Variants in MYL2 observed in about 807,000 individuals in gnomAD.
The protein encoded by MYL2 is myosin light chain 2, also known as myosin regulatory light chain 2, ventricular/cardiac muscle isoform.
Under a neutral mutation model 23.0 loss-of-function variants are expected in MYL2, and 19 were observed. That is an observed-to-expected ratio of 0.83 (90% confidence interval 0.58 to 1.21). The LOEUF is 1.21. Ranked by LOEUF, MYL2 falls within the 50% of genes most tolerant of loss-of-function variation. The pLI, the probability that MYL2 is intolerant of heterozygous loss-of-function variation, is 0.00. For missense variants in MYL2, 180 were observed against 215.1 expected (o/e 0.84, Z 1.02); for synonymous variants, 78 against 76.2 (o/e 1.02, Z -0.13).
intron 1 of MYL2, 113 bp from the exon 2 acceptor site, chr12:110,919,306 T>C (rs1308331785): frequency 1.2e-6 from 1 of 828,582 alleles, no homozygotes. Context: ...TGCCCATCTG[T>C]GAAATGTGGG....
chr12:110,914,324 G>A (rs1357004896), intron 3 of MYL2, 34 bp from the exon 4 acceptor site: 25 of 1,497,690 alleles, frequency 1.7e-5, no homozygotes, highest in Non-Finnish European at 2.1e-5. Flanking sequence ...GGGACTCCGA[G>A]CTGGGGAGAA....
At position 110,910,978 on chromosome 12, in the gene MYL2, A is replaced by T; in HGVS notation, c.*99T>A. 2 of 1,136,834 alleles carry T rather than the reference A, an allele frequency of 1.8e-6. No homozygotes were observed. The highest frequency in any genetic ancestry group is 2.7e-6 in the Non-Finnish European group (2 of 749,974). The allele number at this position is 1,136,834 out of a possible 1,614,324, so 70.4% of individuals were successfully genotyped here. On this transcript the variant is annotated 3_prime_UTR_variant, in exon 7 of 7. Coordinates refer to ENST00000228841, the MANE Select transcript of MYL2 (RefSeq NM_000432.4). ...GGATAAATGGGGCAGCCACATGGCTAACAGACAAGGTAGGGACAGAGGCGG... is the reference window on the plus strand; with the variant it reads ...GGATAAATGGGGCAGCCACATGGCTTACAGACAAGGTAGGGACAGAGGCGG...
At position 110,918,938 on chromosome 12, in the gene MYL2, A is replaced by T. The variant is rs1163277352; in HGVS notation, c.93+166T>A. 1.6e-6 allele frequency: 1 copy of T among 641,442 alleles called. No individual in the cohort carries two copies. Among genetic ancestry groups the T allele is most frequent in the African/African-American group, 1.8e-5 (1 of 54,490 alleles). The allele number at this position is 641,442 out of a possible 1,614,324, so 39.7% of individuals were successfully genotyped here. ...TTGATAATCAGTGAAAATATTAAAA[A>T]TAGTTTCTTTTAAAAATTCACACAT... is the stretch of plus-strand genomic sequence containing the variant. On this transcript the variant is annotated intron_variant, in intron 2 of 6. Coordinates refer to ENST00000228841, the MANE Select transcript of MYL2 (RefSeq NM_000432.4). This position sits in a 1 kb window ranked among gnomAD's most constrained non-coding sequence, Gnocchi z 4.4.
At chr12:110,914,387 A>C in intron 3 of MYL2, 97 bp from the exon 4 acceptor site, 1 of 832,962 alleles carries the variant, frequency 1.2e-6, no homozygotes, top group Non-Finnish European at 2.1e-6. Context: ...CAAGAAATCT[A>C]GTCTAGAAAT....
Position 110,911,144 on chromosome 12 carries a change from T to C in MYL2, c.434A>G (p.Asp145Gly), listed in dbSNP as rs1255677666. 6.2e-7 allele frequency: 1 copy of C among 1,612,236 alleles called. No individual in the cohort carries two copies. Among genetic ancestry groups the C allele is most frequent in the Admixed American group, 1.7e-5 (1 of 59,782 alleles). ...VDQMFAAFPPDVTGNLDYKNL... is the reference protein window; with the variant it reads ...VDQMFAAFPPGVTGNLDYKNL... ...CTTGTAGTCCAAGTTGCCAGTCACG[T>C]CAGGGGGGAAGGCGGCGAACATCTG... is the stretch of plus-strand genomic sequence containing the variant. Residue 145 changes from aspartate (D) to glycine (G), a missense_variant, in exon 7 of 7, where the codon GAC (aspartate) becomes GGC (glycine). Transcript: ENST00000228841.
intron 2 of MYL2, among the ~76,000 whole-genome samples, chr12:110,917,006 T>C (rs2136775408): frequency 6.6e-6 from 1 of 152,072 alleles, no homozygotes; most frequent in Admixed American, 6.6e-5. Context: ...GCATCACCAA[T>C]GCCCAGCTTA....
rs753574542 is a variant in MYL2, at chr12:110,915,719, G to C, written c.165C>G (p.Ala55=). The C allele has an allele frequency of 1.9e-6, 3 of 1,614,062 alleles. No individual in the cohort carries two copies. Among genetic ancestry groups the C allele is most frequent in the South Asian group, 2.2e-5 (2 of 91,080 alleles). The change falls in exon 3 of 7, where the codon GCC becomes GCG. Residue 55 remains alanine (A), a synonymous_variant. Coordinates refer to ENST00000228841, the MANE Select transcript of MYL2 (RefSeq NM_000432.4). ...DKNDLRDTFA[A]LGRVNVKNEE... is the part of the protein sequence containing the mutation. The stretch of plus-strand genomic sequence containing the variant: ...GGGCTAGAGAGGGTGACATACCAAG[G>C]GCAGCAAAGGTGTCTCTCAGATCGT...
rs977706769 is a variant in MYL2 at position 110,911,002 on chromosome 12, G to A, written c.*75C>T. 45 of 1,290,638 alleles carry A rather than the reference G, an allele frequency of 3.5e-5. No individual in the cohort carries two copies. Among genetic ancestry groups the A allele is most frequent in the South Asian group, 3.0e-4 (25 of 84,606 alleles). The allele number at this position is 1,290,638 out of a possible 1,614,324, so 79.9% of individuals were successfully genotyped here. On this transcript the variant is annotated 3_prime_UTR_variant, in exon 7 of 7. Coordinates refer to ENST00000228841, the MANE Select transcript of MYL2 (RefSeq NM_000432.4). ...TAACAGACAAGGTAGGGACAGAGGC[G>A]GTACTCGGGGGAGAGAGATGAGGGC...
chr12:110,913,227 C>T lies in MYL2; in HGVS notation c.353+19G>A. 1.9e-6 allele frequency: 3 copies of T among 1,540,454 alleles called. No individual in the cohort carries two copies. Among genetic ancestry groups the T allele is most frequent in the Non-Finnish European group, 2.6e-6 (3 of 1,143,794 alleles). ...GGGCAAGCAGGGAACCCCCTTCCTC[C>T]CCCACAGACCCCACTCACTAATCAG... is the stretch of plus-strand genomic sequence containing the variant. On this transcript the variant is annotated intron_variant, in intron 5 of 6. Coordinates refer to ENST00000228841, the MANE Select transcript of MYL2 (RefSeq NM_000432.4).
intron 1 of MYL2, among the ~76,000 whole-genome samples, chr12:110,920,031 A>G (rs1007374572): frequency 6.6e-6 from 1 of 152,180 alleles, no homozygotes; most frequent in African/African-American, 2.4e-5. Context: ...CTGACTCCAG[A>G]GTTCCTGCCT....
intron 2 of MYL2, 32 bp downstream of exon 2, chr12:110,919,072 A>C (rs762479350): frequency 1.2e-5 from 19 of 1,603,394 alleles, no homozygotes; most frequent in Admixed American, 6.7e-5. Flanking sequence ...TGGGATTTCC[A>C]TCCAGGCGGA....
At position 110,919,133 on chromosome 12, in the gene MYL2, C is replaced by T. The variant is rs104894368; in HGVS notation, c.64G>A (p.Glu22Lys). The change falls in exon 2 of 7, where the codon GAA becomes AAA. Residue 22 changes from glutamate (E) to lysine (K), a missense_variant. Glu to Lys is a moderately conservative substitution (Grantham distance 56, BLOSUM62 1). Transcript: ENST00000228841. ...TTAAATTCCTGGATTTGGGTCTGTT[C>T]GAACATGGAGAACACGTTGGAGTTG... is the stretch of plus-strand genomic sequence containing the variant. ...GANSNVFSMF[E>K]QTQIQEFKEA... 2.1e-5 allele frequency: 34 copies of T among 1,613,932 alleles called. No homozygotes were observed. The highest frequency in any genetic ancestry group is 5.0e-5 in the Admixed American group (3 of 60,002).
chr12:110,920,437 T>G (rs1486760180), intron 1 of MYL2, 90 bp downstream of exon 1: 1 of 1,596,188 alleles, frequency 6.3e-7, no homozygotes, highest in Non-Finnish European at 8.6e-7. Context: ...GAGGGCCGCC[T>G]TCCTCCCCCT....
chr12:110,914,092 C>T (rs1219769394), intron 4 of MYL2, 94 bp downstream of exon 4: 3 of 998,402 alleles, frequency 3.0e-6, no homozygotes, highest in Non-Finnish European at 4.8e-6. Context: ...TCCAATGGTG[C>T]TTTATCTCTT....
In MYL2 at chr12:110,911,128, C is replaced by T. The variant is rs1379018063; in HGVS notation, c.450G>A (p.Leu150=). ...TGATGTGCACCAGGTTCTTGTAGTCCAAGTTGCCAGTCACGTCAGGGGGGA... is the reference window on the plus strand; with the variant it reads ...TGATGTGCACCAGGTTCTTGTAGTCTAAGTTGCCAGTCACGTCAGGGGGGA... ...AAFPPDVTGN[L]DYKNLVHIIT... is the part of the protein sequence containing the mutation. Residue 150 remains leucine, a synonymous_variant, in exon 7 of 7, where the codon TTG becomes TTA. Transcript: ENST00000228841. 1.2e-6 allele frequency: 2 copies of T among 1,612,934 alleles called. No homozygotes were observed. The highest frequency in any genetic ancestry group is 3.3e-5 in the Admixed American group (2 of 59,904).
Position 110,913,473 on chromosome 12 carries a change from C to G in MYL2, c.275-149G>C, listed in dbSNP as rs2071668252. ...AAAAGACCCTGCTTTCGTCTGATCA[C>G]TGAGCCTCTGTATTTCGAAGAGAGG... On this transcript the variant is annotated intron_variant, in intron 4 of 6. Coordinates refer to ENST00000228841, the MANE Select transcript of MYL2 (RefSeq NM_000432.4). The G allele has an allele frequency of 3.9e-6, 3 of 778,770 alleles. No homozygotes were observed. The South Asian group carries it at 4.4e-5, about 12-fold the overall frequency. 48.2% of individuals were successfully genotyped at this position (778,770 alleles called of 1,614,324 possible). A position where few individuals can be genotyped will look rare whatever the true frequency, so the allele number is the denominator to read the frequency against.
At chr12:110,912,408 A>C (rs1224245150) in intron 6 of MYL2, among the ~76,000 whole-genome samples, 1 of 152,260 alleles carries the variant, frequency 6.6e-6, no homozygotes, top group Non-Finnish European at 1.5e-5. Flanking sequence ...AGAATTGTTC[A>C]GTGCACAACT....
upstream of MYL2, chr12:110,920,671 A>T: frequency 8.2e-7 from 1 of 1,218,954 alleles, no homozygotes; most frequent in Non-Finnish European, 1.2e-6. Flanking sequence ...TGAGGCGGGC[A>T]CCACCTAAGG....
chr12:110,918,853 CCTTTTCTGTG>C lies in MYL2; in HGVS notation c.93+241_93+250del, dbSNP rs2071702187. ...ATAGAATTGTAGGTAGTTTTTATTT[CCTTTTCTGTG>C]CTTTTCTGAAAAATTTTCCAACATT... On this transcript the variant is annotated intron_variant, in intron 2 of 6. Coordinates refer to ENST00000228841, the MANE Select transcript of MYL2 (RefSeq NM_000432.4). The surrounding 1 kb of genome is among the most constrained non-coding windows in gnomAD (Gnocchi z 4.4). 5.9e-6 allele frequency: 3 copies of C among 509,442 alleles called. No homozygotes were observed. Among genetic ancestry groups the C allele is most frequent in the Admixed American group, 6.5e-5 (2 of 30,884 alleles). 31.6% of individuals were successfully genotyped at this position (509,442 alleles called of 1,614,324 possible).
Sources: gnomAD v4.1 joint callset for allele counts (sites outside exome capture counted in the v4.1 genomes callset) on GRCh38, gnomAD v4.1.1 for gene constraint, Gnocchi (gnomAD v3.1) non-coding constraint, MANE v1.5 for transcripts, NCBI Gene and HGNC (gene_info 2026-07-23, HGNC 2026-07-21) for gene names.